The following EPHA6 variants were observed in gnomAD, a reference collection of about 807,000 sequenced individuals.
EPHA6 encodes the protein EPH receptor A6, also known as ephrin type-A receptor 6.
EPHA6 carries 50 observed loss-of-function variants against 112.0 expected under a neutral mutation model. That is an observed-to-expected ratio of 0.45 (90% confidence interval 0.36 to 0.56). The LOEUF is 0.56. Among genes scored for constraint, EPHA6 ranks in the 20% least tolerant of loss-of-function variants. The pLI, the probability that EPHA6 is intolerant of heterozygous loss-of-function variation, is 0.00. For missense variants in EPHA6, 1,280 were observed against 1,417.4 expected (o/e 0.90, Z 1.56); for synonymous variants, 529 against 490.7 (o/e 1.08, Z -1.03).
At chr3:97,475,493 T>G (rs376528052) in intron 8 of EPHA6, 33 bp downstream of exon 8, 4 of 1,437,868 alleles carry the variant, frequency 2.8e-6, no homozygotes, top group Non-Finnish European at 3.9e-6. Flanking sequence ...TTTCCGAGAT[T>G]TATGAATAAC....
intron 6 of EPHA6, among the ~76,000 whole-genome samples, chr3:97,428,077 A>G (rs2107219330): frequency 6.6e-6 from 1 of 152,292 alleles, no homozygotes; most frequent in African/African-American, 2.4e-5. Flanking sequence ...AAAAAAATAT[A>G]TGAATAGTGT....
At chr3:97,191,946 C>T (rs918693085) in intron 3 of EPHA6, among the ~76,000 whole-genome samples, 15 of 152,078 alleles carry the variant, frequency 9.9e-5, no homozygotes, top group African/African-American at 3.6e-4. Flanking sequence ...TACATTCCTG[C>T]AAGAGCATAT....
At chr3:96,887,586 A>G (rs1295103737) in intron 2 of EPHA6, among the ~76,000 whole-genome samples, 1 of 152,138 alleles carries the variant, frequency 6.6e-6, no homozygotes, top group Non-Finnish European at 1.5e-5. Flanking sequence ...CCGGGAGGTT[A>G]TGCTCTCCAG....
At chr3:97,136,374 T>C (rs1053006315) in intron 3 of EPHA6, among the ~76,000 whole-genome samples, 2 of 152,092 alleles carry the variant, frequency 1.3e-5, no homozygotes, top group Non-Finnish European at 2.9e-5. Context: ...AATAAAAAGA[T>C]AAAACTCAAC....
Position 97,752,674 on chromosome 3 carries a change from G to A in EPHA6, c.*3973G>A, listed in dbSNP as rs994995323. 6.6e-6 allele frequency among the ~76,000 whole-genome samples: 1 copy of A among 152,094 alleles called. No individual in the cohort carries two copies. The highest frequency in any genetic ancestry group is 1.5e-5 in the Non-Finnish European group (1 of 67,970). Reference sequence around the variant, plus strand: ...ATAATTGAGAACATTTGTACTCACAGAGGATATGGGTTCTGGCTTTTCCTT... The same window carrying A: ...ATAATTGAGAACATTTGTACTCACAAAGGATATGGGTTCTGGCTTTTCCTT... On this transcript the variant is annotated 3_prime_UTR_variant, in exon 18 of 18. Transcript: ENST00000389672.
At chr3:97,532,197 T>C (rs1201535032) in intron 10 of EPHA6, among the ~76,000 whole-genome samples, 161 bp from the exon 11 acceptor site, 1 of 152,084 alleles carries the variant, frequency 6.6e-6, no homozygotes, top group Non-Finnish European at 1.5e-5. Context: ...ATCAAGTATA[T>C]TATCCTTATA....
chr3:97,074,652 C>A (rs1482074573), intron 3 of EPHA6, among the ~76,000 whole-genome samples: 1 of 151,794 alleles, frequency 6.6e-6, no homozygotes, highest in African/African-American at 2.4e-5. Context: ...ATTTTAATTT[C>A]ATACATAAAA....
chr3:97,053,063 G>C (rs1358270863), intron 3 of EPHA6, among the ~76,000 whole-genome samples: 2 of 152,062 alleles, frequency 1.3e-5, no homozygotes, highest in Non-Finnish European at 2.9e-5. Context: ...TGACTGACTG[G>C]AAGTGTTAAA....
intron 14 of EPHA6, among the ~76,000 whole-genome samples, chr3:97,718,883 A>G (rs1052016018): frequency 6.6e-6 from 1 of 152,124 alleles, no homozygotes; most frequent in African/African-American, 2.4e-5. Flanking sequence ...ATGGTGAGAA[A>G]TTTCTAAACC....
chr3:96,879,650 G>T (rs1237328425), intron 2 of EPHA6, among the ~76,000 whole-genome samples: 2 of 152,212 alleles, frequency 1.3e-5, no homozygotes, highest in South Asian at 2.1e-4. Context: ...AGCATGGAAT[G>T]ATTTCCGTTT....
At chr3:97,205,529 C>A (rs968915895) in intron 3 of EPHA6, among the ~76,000 whole-genome samples, 2 of 151,928 alleles carry the variant, frequency 1.3e-5, no homozygotes, top group African/African-American at 4.8e-5. Flanking sequence ...AAACACAGCT[C>A]CAAAGCACAG....
At chr3:97,538,320 G>T (rs2092791571) in intron 11 of EPHA6, among the ~76,000 whole-genome samples, 1 of 152,160 alleles carries the variant, frequency 6.6e-6, no homozygotes, top group Non-Finnish European at 1.5e-5. Flanking sequence ...GAATGAGGAC[G>T]ATGGAACAGT....
intron 3 of EPHA6, among the ~76,000 whole-genome samples, chr3:97,213,498 C>A (rs1033280460): frequency 1.3e-5 from 2 of 152,172 alleles, no homozygotes; most frequent in African/African-American, 4.8e-5. Context: ...TCTCTCTGAG[C>A]ATTATGAGTT....
chr3:97,290,388 G>T (rs937725119), intron 5 of EPHA6, among the ~76,000 whole-genome samples: 5 of 152,080 alleles, frequency 3.3e-5, no homozygotes, highest in African/African-American at 1.2e-4. Flanking sequence ...TGTTCCATGT[G>T]CAAGTGAGAA....
Position 97,327,887 on chromosome 3 carries a change from A to G in EPHA6, c.1607-77263A>G, listed in dbSNP as rs537029969. ...TGTATATATATATGTATATGTGTGT[A>G]TATATATGTATATGTGTGTATATAT... On this transcript the variant is annotated intron_variant, in intron 5 of 17. Transcript: ENST00000389672. Among the ~76,000 whole-genome samples the G allele has an allele frequency of 7.4e-4, 109 of 147,384 alleles. 1 individual carries two copies. Among genetic ancestry groups the G allele is most frequent in the African/African-American group, 2.4e-3 (95 of 39,844 alleles).
chr3:97,160,362 C>T (rs1007646230), intron 3 of EPHA6, among the ~76,000 whole-genome samples: 19 of 152,022 alleles, frequency 1.2e-4, no homozygotes, highest in African/African-American at 1.7e-4. Context: ...CTACAATCTC[C>T]GCCTCCCGGG....
chr3:97,583,411 C>T (rs1461079663), intron 11 of EPHA6, among the ~76,000 whole-genome samples: 4 of 151,736 alleles, frequency 2.6e-5, no homozygotes, highest in South Asian at 2.1e-4. Context: ...TGGTGGTGGG[C>T]GCCTGTAGTC....
Position 97,475,294 on chromosome 3 carries a change from AT to A in EPHA6, c.1895-57del, listed in dbSNP as rs777120583. 9.9e-4 allele frequency: 1,230 copies of A among 1,241,772 alleles called. 1 individual carries two copies. The highest frequency in any genetic ancestry group is 1.4e-3 in the Non-Finnish European group (1,188 of 869,512). 76.9% of individuals were successfully genotyped at this position (1,241,772 alleles called of 1,614,324 possible). A position where few individuals can be genotyped will look rare whatever the true frequency, so the allele number is the denominator to read the frequency against. ...TTTCTAGTGTAAACTAAATTGTAAA[AT>A]GGTTTTAATAGTGAAATGTCACCCA... On this transcript the variant is annotated intron_variant, in intron 7 of 17. Transcript: ENST00000389672.
At chr3:96,902,805 A>G (rs1181015868) in intron 2 of EPHA6, among the ~76,000 whole-genome samples, 1 of 152,162 alleles carries the variant, frequency 6.6e-6, no homozygotes, top group Admixed American at 6.5e-5. Context: ...GAGATCACAC[A>G]GCATTGGATT....
Sources: gnomAD v4.1 joint callset for allele counts (sites outside exome capture counted in the v4.1 genomes callset) on GRCh38, gnomAD v4.1.1 for gene constraint, MANE v1.5 for transcripts, NCBI Gene and HGNC (gene_info 2026-07-23, HGNC 2026-07-21) for gene names.